Variants in TTC19 observed in about 807,000 individuals in gnomAD.
The protein encoded by TTC19 is tetratricopeptide repeat protein 19, mitochondrial.
In TTC19, 38 loss-of-function variants were observed where a neutral mutation model predicts 49.5. The ratio of observed to expected loss-of-function variants is 0.77; its 90% CI spans 0.59 to 1.01. TTC19 has a LOEUF of 1.01. Among genes scored for constraint, TTC19 ranks in the 50% least tolerant of loss-of-function variants. The probability of loss-of-function intolerance (pLI) is 0.00; values close to 1 mark genes in which losing one functional copy is unlikely to be tolerated. For missense variants in TTC19, 475 were observed against 477.7 expected, an observed-to-expected ratio of 0.99 and a Z score of 0.05; for synonymous variants, 204 against 185.2, an observed-to-expected ratio of 1.10 and a Z score of -0.83.
intron 2 of TTC19, chr17:16,034,959 C>G (rs1310557848): frequency 6.2e-7 from 1 of 1,612,150 alleles, no homozygotes. Flanking sequence ...AAGTGAAATT[C>G]AAGTTAAAGT....
Position 16,006,577 on chromosome 17 carries a change from C to T in TTC19, c.676+9C>T, listed in dbSNP as rs1378336404. ...AGAAGACATTATGTCAGGTAGGAAA[C>T]CCATTATCTGGGCATTGCCTTTTCT... On this transcript the variant is annotated intron_variant, in intron 7 of 9. Transcript: ENST00000261647. 1.2e-5 allele frequency: 18 copies of T among 1,549,282 alleles called. No individual in the cohort carries two copies. Among genetic ancestry groups the T allele is most frequent in the Non-Finnish European group, 1.5e-5 (17 of 1,120,884 alleles).
At chr17:16,006,967 T>C (rs965572749) in intron 7 of TTC19, among the ~76,000 whole-genome samples, 3 of 152,214 alleles carry the variant, frequency 2.0e-5, no homozygotes, top group African/African-American at 7.2e-5. Flanking sequence ...GCTCATGTTT[T>C]TACAATCCAT....
chr17:16,032,117 T>C (rs1047394863), downstream of TTC19: 5 of 621,438 alleles, frequency 8.0e-6, no homozygotes, highest in Middle Eastern at 4.3e-4. Context: ...TGTTTGTTTT[T>C]TTCCCATTTG....
At position 16,038,990 on chromosome 17, in the gene TTC19, C is replaced by A. The variant is rs191115242; in HGVS notation, c.248-5513C>A. On this transcript the variant is annotated intron_variant, in intron 2 of 2. Transcript: ENST00000470649. ...TTCACCATGTTGGCCAGGATGGTCT[C>A]GATCTCTTGACCTTGTGATCCGCCC... is the stretch of plus-strand genomic sequence containing the variant. Among the ~76,000 whole-genome samples the A allele has an allele frequency of 1.8e-4, 28 of 152,142 alleles. 1 individual carries two copies. Among genetic ancestry groups the A allele is most frequent in the Non-Finnish European group, 1.5e-5 (1 of 68,028 alleles).
At chr17:16,034,587 G>A (rs569963441) in intron 2 of TTC19, among the ~76,000 whole-genome samples, 1 of 152,230 alleles carries the variant, frequency 6.6e-6, no homozygotes, top group African/African-American at 2.4e-5. Context: ...CAGCCTGGGT[G>A]ACAGAACAAG....
rs1196452154 is a variant in TTC19, at chr17:16,007,383, C to T, written c.676+815C>T. ...AACAATTATAACTATATACTGTTAA[C>T]AGTGTCACAGACAGGAGATTCATTC... On this transcript the variant is annotated intron_variant, in intron 7 of 9. Coordinates refer to ENST00000261647, the MANE Select transcript of TTC19 (RefSeq NM_017775.4). 2.0e-5 allele frequency among the ~76,000 whole-genome samples: 3 copies of T among 152,182 alleles called. No homozygotes were observed. The South Asian group carries it at 6.2e-4, about 31-fold the overall frequency.
intron 7 of TTC19, among the ~76,000 whole-genome samples, chr17:16,013,992 A>G (rs1213227134): frequency 6.6e-6 from 1 of 152,220 alleles, no homozygotes; most frequent in Non-Finnish European, 1.5e-5. Flanking sequence ...GTTAGTTGAC[A>G]GTGTGATTCA....
intron 2 of TTC19, among the ~76,000 whole-genome samples, chr17:16,036,775 A>G (rs2151909570): frequency 6.6e-6 from 1 of 152,312 alleles, no homozygotes; most frequent in South Asian, 2.1e-4. Flanking sequence ...GGCTTAAGGG[A>G]ATGTTGTGGC....
chr17:16,041,702 A>T lies in TTC19; in HGVS notation c.248-2801A>T, dbSNP rs149676483. Among the ~76,000 whole-genome samples, 1,077 of 152,040 alleles carry T rather than the reference A, an allele frequency of 7.1e-3. 13 individuals carry two copies. Among genetic ancestry groups the T allele is most frequent in the African/African-American group, 0.024 (1,001 of 41,464 alleles). Reference sequence around the variant, plus strand: ...AGTGCTGGGATTACAGGCATGGGCCACTGTGCTCAGCCAGAATGTGAAATT... The same window carrying T: ...AGTGCTGGGATTACAGGCATGGGCCTCTGTGCTCAGCCAGAATGTGAAATT... On this transcript the variant is annotated intron_variant, in intron 2 of 2. Coordinates refer to the TTC19 transcript ENST00000470649.
intron 8 of TTC19, among the ~76,000 whole-genome samples, chr17:16,025,936 TAAAC>T (rs943353274): frequency 2.0e-5 from 3 of 152,146 alleles, no homozygotes; most frequent in East Asian, 1.9e-4. Context: ...TGAGGAATAA[TAAAC>T]AAGCAAGTAC....
At chr17:16,009,257 A>G (rs1417602533) in intron 7 of TTC19, among the ~76,000 whole-genome samples, 4 of 152,162 alleles carry the variant, frequency 2.6e-5, no homozygotes, top group Non-Finnish European at 4.4e-5. Context: ...AGTGTTGACT[A>G]TGGTTTCTTA....
At chr17:16,039,795 CCTT>C in intron 2 of TTC19, 3 of 739,820 alleles carry the variant, frequency 4.1e-6, no homozygotes, top group Non-Finnish European at 6.5e-6. Flanking sequence ...CACACAGAGA[CCTT>C]TTTTTTTGGA....
chr17:16,004,581 G>T (rs115321068), intron 6 of TTC19, among the ~76,000 whole-genome samples: 6 of 152,216 alleles, frequency 3.9e-5, no homozygotes, highest in Non-Finnish European at 1.5e-5. Flanking sequence ...GGAAAGAGCA[G>T]TGTGAAAGCT....
intron 6 of TTC19, among the ~76,000 whole-genome samples, chr17:16,005,945 G>A (rs142983553): frequency 0.018 from 2,743 of 152,190 alleles, 80 homozygotes; most frequent in African/African-American, 0.062. Flanking sequence ...AGCATTCCTA[G>A]CTTTTTGTGT....
At chr17:16,021,355 T>A (rs774049587) in intron 7 of TTC19, among the ~76,000 whole-genome samples, 53 of 152,190 alleles carry the variant, frequency 3.5e-4, no homozygotes, top group Non-Finnish European at 1.3e-4. Context: ...GCAACTGCAC[T>A]GCAGCCTGGG....
chr17:16,019,452 AT>A (rs1971307343), intron 7 of TTC19, among the ~76,000 whole-genome samples: 1 of 152,152 alleles, frequency 6.6e-6, no homozygotes, highest in Admixed American at 6.5e-5. Context: ...TGTTGATGAG[AT>A]TTATTGGGCT....
intron 2 of TTC19, among the ~76,000 whole-genome samples, chr17:16,043,623 C>T (rs892991257): frequency 6.6e-6 from 1 of 152,198 alleles, no homozygotes; most frequent in African/African-American, 2.4e-5. Context: ...TGGCATTTCC[C>T]TGTCAAAGAG....
downstream of TTC19, chr17:16,032,159 T>C (rs1972129478): frequency 1.2e-6 from 1 of 850,702 alleles, no homozygotes; most frequent in East Asian, 3.2e-5. Flanking sequence ...CATTTCTTCA[T>C]CATCTGTGGG....
At chr17:16,011,790 A>C (rs879010930) in intron 7 of TTC19, among the ~76,000 whole-genome samples, 1 of 152,212 alleles carries the variant, frequency 6.6e-6, no homozygotes, top group Admixed American at 6.5e-5. Flanking sequence ...TCAGTGTGGG[A>C]TTAAGAGTAA....
Sources: gnomAD v4.1 joint callset for allele counts (sites outside exome capture counted in the v4.1 genomes callset) on GRCh38, gnomAD v4.1.1 for gene constraint, MANE v1.5 for transcripts, NCBI Gene and HGNC (gene_info 2026-07-23, HGNC 2026-07-21) for gene names.